The following EP300 variants were observed in gnomAD, a reference collection of about 807,000 sequenced individuals.
EP300 encodes EP300 lysine acetyltransferase.
EP300 carries 31 observed loss-of-function variants against 264.0 expected under a neutral mutation model. The ratio of observed to expected loss-of-function variants is 0.12; its 90% CI spans 0.09 to 0.16. The LOEUF (loss-of-function observed/expected upper bound fraction) is 0.16. EP300 is among the 10% of genes least tolerant of loss of function. The probability of loss-of-function intolerance (pLI) is 1.00; values close to 1 mark genes in which losing one functional copy is unlikely to be tolerated. For synonymous variants in EP300, 1,340 were observed against 1,045.4 expected (o/e 1.28, Z -5.44); for missense variants, 2,766 against 3,052.9 (o/e 0.91, Z 2.21).
Position 41,160,639 on chromosome 22 carries a change from C to T in EP300, c.3591-3C>T, listed in dbSNP as rs1399029477. ...CACCCCAGTATGGCCTTCTTGCCGACAGGTATCATTTCTGTGAGAAGTGTT... is the reference window on the plus strand; with the variant it reads ...CACCCCAGTATGGCCTTCTTGCCGATAGGTATCATTTCTGTGAGAAGTGTT... On this transcript the variant is annotated splice_polypyrimidine_tract_variant and splice_region_variant and intron_variant, in intron 19 of 30. Transcript: ENST00000263253. 1.2e-6 allele frequency: 2 copies of T among 1,613,844 alleles called. No individual in the cohort carries two copies. Among genetic ancestry groups the T allele is most frequent in the Non-Finnish European group, 1.7e-6 (2 of 1,179,848 alleles).
At chr22:41,130,748 A>G (rs1414977986) in intron 5 of EP300, among the ~76,000 whole-genome samples, 1 of 152,124 alleles carries the variant, frequency 6.6e-6, no homozygotes, top group Non-Finnish European at 1.5e-5. Flanking sequence ...AGGTACTTGG[A>G]AATTATTTTA....
intron 27 of EP300, 88 bp downstream of exon 27, chr22:41,170,659 T>C (rs1352101589): frequency 8.3e-7 from 1 of 1,200,850 alleles, no homozygotes; most frequent in African/African-American, 2.0e-5. Flanking sequence ...TTAACTTTTT[T>C]TTTTTTTTTT....
intron 3 of EP300, among the ~76,000 whole-genome samples, chr22:41,127,220 C>T (rs999902465): frequency 5.9e-5 from 9 of 152,080 alleles, no homozygotes; most frequent in Admixed American, 2.0e-4. Flanking sequence ...TTCCCTCTCC[C>T]GCTGGAGTTT....
chr22:41,161,419 C>T (rs994917248), intron 20 of EP300, among the ~76,000 whole-genome samples: 1 of 152,114 alleles, frequency 6.6e-6, no homozygotes, highest in Non-Finnish European at 1.5e-5. Context: ...AGATCGAGAC[C>T]ATCCTGGCTA....
In EP300 at chr22:41,166,605, C is replaced by T; in HGVS notation, c.3813C>T (p.Val1271=). The change falls in exon 23 of 31, where the codon GTC becomes GTT. Residue 1271 remains valine (V), a synonymous_variant. Transcript: ENST00000263253. ...AGTTTTGGTTTACATTTAGATTCGTCTGTGATGGCTGTTTAAAGAAAAGTG... is the reference window on the plus strand; with the variant it reads ...AGTTTTGGTTTACATTTAGATTCGTTTGTGATGGCTGTTTAAAGAAAAGTG... ...HHEIIWPAGF[V]CDGCLKKSAR... 1 of 1,612,814 alleles carries T rather than the reference C, an allele frequency of 6.2e-7. No individual in the cohort carries two copies. The highest frequency in any genetic ancestry group is 8.5e-7 in the Non-Finnish European group (1 of 1,179,226).
At chr22:41,162,862 AGAT>A in intron 21 of EP300, 83 bp downstream of exon 21, 1 of 1,152,002 alleles carries the variant, frequency 8.7e-7, no homozygotes, top group Non-Finnish European at 1.3e-6. Context: ...ATGACCAATC[AGAT>A]GATCCTATAT....
intron 1 of EP300, among the ~76,000 whole-genome samples, 155 bp from the exon 2 acceptor site, chr22:41,117,032 G>C (rs951230502): frequency 6.6e-6 from 1 of 152,218 alleles, no homozygotes; most frequent in African/African-American, 2.4e-5. Flanking sequence ...CTGCACTCCA[G>C]CCTGTGCAAC....
chr22:41,097,812 GTC>G (rs1023447881), intron 1 of EP300, among the ~76,000 whole-genome samples: 14 of 151,718 alleles, frequency 9.2e-5, no homozygotes, highest in African/African-American at 3.4e-4. Context: ...TTGAGGCAGA[GTC>G]TCGCTTTGTA....
Position 41,125,874 on chromosome 22 carries a change from T to C in EP300, c.740T>C (p.Met247Thr), listed in dbSNP as rs2058879142. 1 of 1,614,054 alleles carries C rather than the reference T, an allele frequency of 6.2e-7. No individual in the cohort carries two copies. The highest frequency in any genetic ancestry group is 1.3e-5 in the African/African-American group (1 of 74,940). Residue 247 changes from methionine (M) to threonine (T), a missense_variant, in exon 3 of 31, where the codon ATG (methionine) becomes ACG (threonine). Physicochemically the swap from Met to Thr is moderately conservative, Grantham distance 81. Coordinates refer to ENST00000263253, the MANE Select transcript of EP300 (RefSeq NM_001429.4). Reference protein sequence around the residue: ...RGPQPLKMGMMNNPNPYGSPY... With the variant: ...RGPQPLKMGMTNNPNPYGSPY... ...GTTTCTTACTCTTAGATGGGAATGA[T>C]GAACAACCCCAATCCTTATGGTTCA...
intron 1 of EP300, among the ~76,000 whole-genome samples, chr22:41,094,301 GA>G (rs1344433727): frequency 2.0e-5 from 3 of 152,140 alleles, no homozygotes; most frequent in African/African-American, 7.2e-5. Context: ...GTGCATAATG[GA>G]GTTAAATGTA....
intron 1 of EP300, among the ~76,000 whole-genome samples, chr22:41,103,655 T>C (rs1479538039): frequency 6.6e-6 from 1 of 152,194 alleles, no homozygotes; most frequent in African/African-American, 2.4e-5. Flanking sequence ...GTGGCTAGAA[T>C]ATACGCTGTG....
rs886057561 is a variant in EP300, at chr22:41,172,644, C to T, written c.4598C>T (p.Thr1533Ile). The T allele has an allele frequency of 1.2e-6, 2 of 1,613,342 alleles. No individual in the cohort carries two copies. The highest frequency in any genetic ancestry group is 1.7e-6 in the Non-Finnish European group (2 of 1,179,538). Reference protein sequence around the residue: ...EEEERKREENTSNESTDVTKG... With the variant: ...EEEERKREENISNESTDVTKG... ...GAAGAGAGAAAACGAGAGGAAAACA[C>T]CAGCAATGAAAGCACAGATGTAAGG... The change falls in exon 28 of 31, where the codon ACC becomes ATC. Residue 1533 changes from threonine to isoleucine, a missense_variant. Transcript: ENST00000263253.
intron 18 of EP300, among the ~76,000 whole-genome samples, chr22:41,157,955 C>G (rs750517120): frequency 1.2e-4 from 19 of 152,348 alleles, no homozygotes; most frequent in South Asian, 2.1e-4. Context: ...AGACTGTTAA[C>G]TCATCTGGAG....
rs2059020338 is a variant in EP300, at chr22:41,147,775, CTA to C, written c.2132-60_2132-59del. 6 of 1,105,022 alleles carry C rather than the reference CTA, an allele frequency of 5.4e-6. No individual in the cohort carries two copies. In the Admixed American group the frequency reaches 6.8e-5, roughly 13 times the overall value. The allele number at this position is 1,105,022 out of a possible 1,614,324, so 68.5% of individuals were successfully genotyped here. A position where few individuals can be genotyped will look rare whatever the true frequency, so the allele number is the denominator to read the frequency against. Reference sequence around the variant, plus strand: ...AGATACAGAATCAGACATAAGAATTCTATCTTTTATTATTCAATTTCACAAAG... The same window carrying C: ...AGATACAGAATCAGACATAAGAATTCTCTTTTATTATTCAATTTCACAAAG... On this transcript the variant is annotated intron_variant, in intron 11 of 30. Coordinates refer to ENST00000263253, the MANE Select transcript of EP300 (RefSeq NM_001429.4).
chr22:41,102,029 CTTT>C (rs5845488), intron 1 of EP300, among the ~76,000 whole-genome samples: 3 of 119,262 alleles, frequency 2.5e-5, no homozygotes, highest in Non-Finnish European at 3.5e-5. Context: ...TTTTTCTTTT[CTTT>C]TTTTTTTTTT....
At chr22:41,169,652 C>G (rs1569117064) in intron 26 of EP300, 36 bp downstream of exon 26, 1 of 1,219,718 alleles carries the variant, frequency 8.2e-7, no homozygotes, top group Non-Finnish European at 1.2e-6. Context: ...TTTTCTTTAA[C>G]TAGCATGGCA....
rs780567601 is a variant in EP300 at position 41,170,582 on chromosome 22, A to G, written c.4452+11A>G. 1 of 1,610,982 alleles carries G rather than the reference A, an allele frequency of 6.2e-7. No homozygotes were observed. Among genetic ancestry groups the G allele is most frequent in the Non-Finnish European group, 8.5e-7 (1 of 1,178,114 alleles). On this transcript the variant is annotated intron_variant, in intron 27 of 30. Coordinates refer to ENST00000263253, the MANE Select transcript of EP300 (RefSeq NM_001429.4). Reference sequence around the variant, plus strand: ...GTCCATGACTACAAGGTCAGTTGGGACATAGGGGCCAGGTGCTGACAATAG... The same window carrying G: ...GTCCATGACTACAAGGTCAGTTGGGGCATAGGGGCCAGGTGCTGACAATAG...
At chr22:41,128,303 A>C (rs182119508) in intron 4 of EP300, among the ~76,000 whole-genome samples, 1 of 152,060 alleles carries the variant, frequency 6.6e-6, no homozygotes, top group Non-Finnish European at 1.5e-5. Flanking sequence ...AAAAAATACT[A>C]AAGAAAATCA....
intron 1 of EP300, among the ~76,000 whole-genome samples, chr22:41,093,495 ACTG>A (rs1246011474): frequency 4.6e-5 from 7 of 152,134 alleles, no homozygotes; most frequent in Admixed American, 4.6e-4. Flanking sequence ...TACTGTACTT[ACTG>A]TGTTTCCTCT....
Sources: allele counts gnomAD v4.1 joint callset (sites outside exome capture counted in the v4.1 genomes callset), GRCh38; gene constraint gnomAD v4.1.1; transcripts MANE v1.5; gene names NCBI Gene and HGNC (gene_info 2026-07-23, HGNC 2026-07-21).